Variants in SIM2 observed in about 807,000 individuals in gnomAD.
The protein encoded by SIM2 is SIM bHLH transcription factor 2.
In SIM2, 28 loss-of-function variants were observed where a neutral mutation model predicts 64.8. The ratio of observed to expected loss-of-function variants is 0.43; its 90% CI spans 0.32 to 0.59. The LOEUF (loss-of-function observed/expected upper bound fraction) is 0.59. Ranked by LOEUF, SIM2 falls within the 20% of genes least tolerant of loss-of-function variation. The pLI, the probability that SIM2 is intolerant of heterozygous loss-of-function variation, is 0.07. For missense variants in SIM2, 847 were observed against 871.4 expected (o/e 0.97, Z 0.35); for synonymous variants, 408 against 391.1 (o/e 1.04, Z -0.51).
intron 4 of SIM2, among the ~76,000 whole-genome samples, chr21:36,721,950 C>G (rs1395269274): frequency 1.3e-5 from 2 of 152,198 alleles, no homozygotes; most frequent in Admixed American, 6.5e-5. Context: ...GCACCTGACT[C>G]ATTTCCACAG....
At chr21:36,740,059 G>GAAAGAAGGAA (rs1181460821) in intron 7 of SIM2, among the ~76,000 whole-genome samples, 2 of 136,292 alleles carry the variant, frequency 1.5e-5, no homozygotes, top group African/African-American at 5.4e-5. Context: ...AAGAAAGAAA[G>GAAAGAAGGAA]AGAAAATGCC....
At chr21:36,729,387 TC>T (rs2088936236) in intron 6 of SIM2, among the ~76,000 whole-genome samples, 1 of 151,298 alleles carries the variant, frequency 6.6e-6, no homozygotes, top group African/African-American at 2.4e-5. Flanking sequence ...CGCATCCCTC[TC>T]CCCCACCACT....
Position 36,743,476 on chromosome 21 carries a change from C to T in SIM2, c.1088C>T (p.Ser363Leu), listed in dbSNP as rs771705646. ...TCCTGGAGGACCGCCTTGTCTACCT[C>T]ACAAGAAACTAGGAAATTAGTGAAA... Reference protein sequence around the residue: ...QDSWRTALSTSQETRKLVKPK... With the variant: ...QDSWRTALSTLQETRKLVKPK... The change falls in exon 9 of 11, where the codon TCA becomes TTA. Residue 363 changes from serine to leucine, a missense_variant. Physicochemically the swap from Ser to Leu is moderately radical, Grantham distance 145. This residue lies in a region of SIM2 where 447 missense variants were observed against 414.6 expected (regional missense o/e 1.08). Transcript: ENST00000290399. 6.2e-7 allele frequency: 1 copy of T among 1,614,138 alleles called. No individual in the cohort carries two copies. The highest frequency in any genetic ancestry group is 8.5e-7 in the Non-Finnish European group (1 of 1,180,008).
Position 36,719,896 on chromosome 21 carries a change from G to T in SIM2, c.424G>T (p.Ala142Ser), listed in dbSNP as rs757876159. ...DHDEMTAVLTAHQPLHHHLLQ... is the reference protein window; with the variant it reads ...DHDEMTAVLTSHQPLHHHLLQ... ...CGATGAGATGACCGCTGTCCTCACG[G>T]CCCACCAGCCGCTGCACCACCACCT... Residue 142 changes from alanine to serine, a missense_variant, in exon 4 of 11, where the codon GCC (alanine) becomes TCC (serine). By Grantham distance (99) the Ala-to-Ser change is moderately conservative (BLOSUM62 1). This residue lies in a region of SIM2 where 397 missense variants were observed against 439.2 expected (regional missense o/e 0.90). Transcript: ENST00000290399. The T allele has an allele frequency of 6.2e-7, 1 of 1,612,252 alleles. No homozygotes were observed. The highest frequency in any genetic ancestry group is 2.2e-5 in the East Asian group (1 of 44,864).
chr21:36,704,044 G>A (rs2088544214), intron 1 of SIM2, among the ~76,000 whole-genome samples: 1 of 152,232 alleles, frequency 6.6e-6, no homozygotes, highest in Non-Finnish European at 1.5e-5. Context: ...GACCCAAGAT[G>A]GGTGTGGGTG....
Position 36,719,832 on chromosome 21 carries a change from G to C in SIM2, c.360G>C (p.Thr120=), listed in dbSNP as rs372168564. ...VHLGLSQVEL[T]GNSIYEYIHP... is the part of the protein sequence containing the mutation. ...CCCTTCCACGGCAGGTGGAGCTCAC[G>C]GGCAACAGTATTTATGAATACATCC... The change falls in exon 4 of 11, where the codon ACG becomes ACC. Residue 120 remains threonine (T), a synonymous_variant. Coordinates refer to ENST00000290399, the MANE Select transcript of SIM2 (RefSeq NM_005069.6). 39 of 1,609,860 alleles carry C rather than the reference G, an allele frequency of 2.4e-5. No homozygotes were observed. Among genetic ancestry groups the C allele is most frequent in the African/African-American group, 4.0e-5 (3 of 74,746 alleles).
intron 1 of SIM2, among the ~76,000 whole-genome samples, chr21:36,703,122 C>A (rs1368030301): frequency 6.6e-6 from 1 of 152,132 alleles, no homozygotes; most frequent in Non-Finnish European, 1.5e-5. Flanking sequence ...CACTCCACTG[C>A]ACCCAGGAGG....
rs1461243539 is a variant in SIM2, at chr21:36,747,745, C to T, written c.1657C>T (p.Pro553Ser). 4.1e-6 allele frequency: 5 copies of T among 1,216,974 alleles called. No homozygotes were observed. Among genetic ancestry groups the T allele is most frequent in the African/African-American group, 1.6e-5 (1 of 62,826 alleles). 75.4% of individuals were successfully genotyped at this position (1,216,974 alleles called of 1,614,324 possible). Residue 553 changes from proline (P) to serine (S), a missense_variant, in exon 11 of 11, where the codon CCC (proline) becomes TCC (serine). By Grantham distance (74) the Pro-to-Ser change is moderately conservative. Coordinates refer to ENST00000290399, the MANE Select transcript of SIM2 (RefSeq NM_005069.6). The surrounding 1 kb of genome is among the most constrained non-coding windows in gnomAD (Gnocchi z 4.5). ...FPSCGHYREE[P>S]ALGPAKAARQ... Reference sequence around the variant, plus strand: ...GAGCTGCGGCCACTACCGCGAGGAGCCCGCGCTGGGCCCGGCCAAAGCCGC... The same window carrying T: ...GAGCTGCGGCCACTACCGCGAGGAGTCCGCGCTGGGCCCGGCCAAAGCCGC...
chr21:36,720,178 C>T (rs1378276344), intron 4 of SIM2: 2 of 480,290 alleles, frequency 4.2e-6, no homozygotes, highest in African/African-American at 3.8e-5. Context: ...AGGTAGAGGA[C>T]AAAAGTGGTG....
chr21:36,704,508 C>A (rs986779617), intron 1 of SIM2, among the ~76,000 whole-genome samples: 2 of 152,202 alleles, frequency 1.3e-5, no homozygotes, highest in Non-Finnish European at 2.9e-5. Context: ...AGGGGACACC[C>A]GGGCACAGGG....
At position 36,745,660 on chromosome 21, in the gene SIM2, C is replaced by T. The variant is rs929607630; in HGVS notation, c.1576+524C>T. On this transcript the variant is annotated intron_variant, in intron 10 of 10. Transcript: ENST00000290399. The surrounding 1 kb of genome is among the most constrained non-coding windows in gnomAD (Gnocchi z 4.8). The stretch of plus-strand genomic sequence containing the variant: ...GGCAAAGAACACAAACCCTCCAGGC[C>T]TCAGTTTCTTCACCTGTAAAATGGG... 5.9e-5 allele frequency: 70 copies of T among 1,184,086 alleles called. No homozygotes were observed. The highest frequency in any genetic ancestry group is 6.8e-5 in the Non-Finnish European group (63 of 923,470). 73.3% of individuals were successfully genotyped at this position (1,184,086 alleles called of 1,614,324 possible). A position where few individuals can be genotyped will look rare whatever the true frequency, so the allele number is the denominator to read the frequency against.
In SIM2 at chr21:36,748,730, G is replaced by A. The variant is rs973111044; in HGVS notation, c.*638G>A. 1 of 152,572 alleles carries A rather than the reference G, an allele frequency of 6.6e-6. No individual in the cohort carries two copies. The highest frequency in any genetic ancestry group is 2.4e-5 in the African/African-American group (1 of 41,404). The allele number at this position is 152,572 out of a possible 1,614,324, so 9.5% of individuals were successfully genotyped here. A position where few individuals can be genotyped will look rare whatever the true frequency, so the allele number is the denominator to read the frequency against. ...ATTCCATTTTGTGTCTGTGAACATAGGTGTGCTTCCCAAATACATTAACAA... is the reference window on the plus strand; with the variant it reads ...ATTCCATTTTGTGTCTGTGAACATAAGTGTGCTTCCCAAATACATTAACAA... On this transcript the variant is annotated 3_prime_UTR_variant, in exon 11 of 11. Transcript: ENST00000290399.
chr21:36,699,579 G>T lies in SIM2; in HGVS notation c.-168G>T. 1.7e-6 allele frequency: 1 copy of T among 582,838 alleles called. No individual in the cohort carries two copies. The highest frequency in any genetic ancestry group is 2.8e-5 in the South Asian group (1 of 35,148). The allele number at this position is 582,838 out of a possible 1,614,324, so 36.1% of individuals were successfully genotyped here. ...CTCGGAGCTCAGGCCCGGCGGCTGC[G>T]GGGAGGCGTCTCGGAACCCCGGGAG... is the stretch of plus-strand genomic sequence containing the variant. On this transcript the variant is annotated 5_prime_UTR_variant, in exon 1 of 11. Transcript: ENST00000290399. This position sits in a 1 kb window ranked among gnomAD's most constrained non-coding sequence, Gnocchi z 5.6.
Position 36,744,978 on chromosome 21 carries a change from G to T in SIM2, c.1418G>T (p.Cys473Phe). The change falls in exon 10 of 11, where the codon TGT becomes TTT. Residue 473 changes from cysteine (C) to phenylalanine (F), a missense_variant. Physicochemically the swap from Cys to Phe is radical, Grantham distance 205. Coordinates refer to ENST00000290399, the MANE Select transcript of SIM2 (RefSeq NM_005069.6). ...TTCGGGCAGCCCCAAGGATCCCCTT[G>T]TGAGGTGGCACGCTTTTTCCTGAGC... is the stretch of plus-strand genomic sequence containing the variant. ...AKFGQPQGSPCEVARFFLSTL... is the reference protein window; with the variant it reads ...AKFGQPQGSPFEVARFFLSTL... 2 of 1,614,278 alleles carry T rather than the reference G, an allele frequency of 1.2e-6. No individual in the cohort carries two copies. The highest frequency in any genetic ancestry group is 2.2e-5 in the South Asian group (2 of 91,092).
chr21:36,730,566 C>T lies in SIM2; in HGVS notation c.744-479C>T, dbSNP rs77189072. On this transcript the variant is annotated intron_variant, in intron 6 of 10. Coordinates refer to ENST00000290399, the MANE Select transcript of SIM2 (RefSeq NM_005069.6). ...GGGCAGTGATGCCTGTTACACAACA[C>T]TGTGAGTGCACCAAATACCACTGAA... Among the ~76,000 whole-genome samples the T allele has an allele frequency of 1.5e-3, 227 of 152,324 alleles. 2 individuals are homozygous for T. Among genetic ancestry groups the T allele is most frequent in the African/African-American group, 5.3e-3 (221 of 41,566 alleles).
chr21:36,717,951 T>G (rs372533539), intron 3 of SIM2, among the ~76,000 whole-genome samples: 12 of 152,214 alleles, frequency 7.9e-5, no homozygotes, highest in African/African-American at 2.9e-4. Flanking sequence ...TGTAATAAAC[T>G]TTTCAGGGAG....
chr21:36,736,199 C>T (rs1004185622), intron 7 of SIM2, among the ~76,000 whole-genome samples: 2 of 152,132 alleles, frequency 1.3e-5, no homozygotes, highest in Non-Finnish European at 2.9e-5. Flanking sequence ...GATGCCCAGA[C>T]GCATCTGTCG....
Position 36,702,813 on chromosome 21 carries a change from C to A in SIM2, c.175+2892C>A, listed in dbSNP as rs546685479. On this transcript the variant is annotated intron_variant, in intron 1 of 10. Transcript: ENST00000290399. ...CGGGCTGTGGCAGGGGCTCTCAGATCGCCTCGGGCTCTCAGCTGCAAGGTG... is the reference window on the plus strand; with the variant it reads ...CGGGCTGTGGCAGGGGCTCTCAGATAGCCTCGGGCTCTCAGCTGCAAGGTG... 2.6e-5 allele frequency among the ~76,000 whole-genome samples: 4 copies of A among 151,972 alleles called. No homozygotes were observed. The East Asian group carries it at 7.8e-4, about 29-fold the overall frequency.
chr21:36,712,739 C>T, intron 3 of SIM2, 117 bp downstream of exon 3: 3 of 672,620 alleles, frequency 4.5e-6, no homozygotes, highest in Admixed American at 5.9e-5. Flanking sequence ...TGTGTAAGAA[C>T]ATAACCCTAA....
Sources: gnomAD v4.1 joint callset for allele counts (sites outside exome capture counted in the v4.1 genomes callset) on GRCh38, gnomAD v4.1.1 for gene constraint, gnomAD v4.1.1 regional missense constraint, Gnocchi (gnomAD v3.1) non-coding constraint, MANE v1.5 for transcripts, NCBI Gene and HGNC (gene_info 2026-07-23, HGNC 2026-07-21) for gene names.